The following ZC3H12B variants were observed in gnomAD, a reference collection of about 807,000 sequenced individuals.
ZC3H12B encodes the protein zinc finger CCCH-type containing 12B, also known as probable ribonuclease ZC3H12B.
Under a neutral mutation model 43.9 loss-of-function variants are expected in ZC3H12B, and 7 were observed. The observed-to-expected ratio is 0.16, with a 90% CI of 0.09 to 0.30. The LOEUF is 0.30. ZC3H12B is among the 10% of genes least tolerant of loss of function. The pLI, the probability that ZC3H12B is intolerant of heterozygous loss-of-function variation, is 1.00. For missense variants in ZC3H12B, 475 were observed against 670.2 expected (o/e 0.71, Z 3.22); for synonymous variants, 222 against 241.7 (o/e 0.92, Z 0.76).
chrX:65,279,079 A>G, the ZC3H12B span, among the ~76,000 whole-genome samples: 264 of 110,190 alleles, frequency 2.4e-3, 1 homozygote, highest in African/African-American at 8.3e-3. Flanking sequence ...TTCCTTTGGT[A>G]TTGTGATTAA....
the ZC3H12B span, among the ~76,000 whole-genome samples, chrX:65,274,762 G>A: frequency 9.0e-6 from 1 of 110,812 alleles, no homozygotes; most frequent in South Asian, 3.9e-4. Context: ...CTGTCCAATG[G>A]CCATGTGCCC....
At chrX:65,102,321 G>A in the ZC3H12B span, among the ~76,000 whole-genome samples, 3 of 111,627 alleles carry the variant, frequency 2.7e-5, no homozygotes, top group East Asian at 2.8e-4. Flanking sequence ...TTGAAAACCG[G>A]CACAAGACAA....
At chrX:65,251,370 G>A in the ZC3H12B span, among the ~76,000 whole-genome samples, 315 of 111,486 alleles carry the variant, frequency 2.8e-3, 3 homozygotes, top group African/African-American at 9.8e-3. Context: ...ATCAGGTAGC[G>A]TGATGCCTCC....
chrX:65,454,944 A>G (rs2067585099), intron 3 of ZC3H12B, among the ~76,000 whole-genome samples: 1 of 112,193 alleles, frequency 8.9e-6, no homozygotes, highest in African/African-American at 3.2e-5. Context: ...AAACTAAAAA[A>G]CAGAAAGGAC....
the ZC3H12B span, among the ~76,000 whole-genome samples, chrX:65,196,529 C>T: frequency 9.0e-6 from 1 of 111,325 alleles, no homozygotes; most frequent in Admixed American, 9.6e-5. Context: ...TTCACAGGCT[C>T]AATTATAATG....
chrX:65,224,499 C>T, the ZC3H12B span, among the ~76,000 whole-genome samples: 4 of 112,609 alleles, frequency 3.6e-5, no homozygotes, highest in African/African-American at 1.3e-4. Flanking sequence ...GTTCATCTCA[C>T]TAGGGAGTGC....
chrX:65,250,326 C>T, the ZC3H12B span, among the ~76,000 whole-genome samples: 2 of 111,957 alleles, frequency 1.8e-5, no homozygotes, highest in Non-Finnish European at 3.8e-5. Flanking sequence ...TTGCTTAATC[C>T]AGTCAATCAT....
chrX:65,111,960 T>C, the ZC3H12B span, among the ~76,000 whole-genome samples: 24 of 111,930 alleles, frequency 2.1e-4, no homozygotes, highest in African/African-American at 7.8e-4. Context: ...AGGCCAGAAA[T>C]GATTACACTT....
the ZC3H12B span, among the ~76,000 whole-genome samples, chrX:65,051,188 G>A: frequency 9.0e-6 from 1 of 111,427 alleles, no homozygotes; most frequent in Non-Finnish European, 1.9e-5. Context: ...AATTTCTGTG[G>A]CATCAGTTTT....
At chrX:65,131,693 G>T in the ZC3H12B span, among the ~76,000 whole-genome samples, 1 of 111,706 alleles carries the variant, frequency 9.0e-6, no homozygotes, top group Non-Finnish European at 1.9e-5. Context: ...GGAAGGAAAG[G>T]AATTGTTGTT....
At chrX:65,251,722 A>T in the ZC3H12B span, among the ~76,000 whole-genome samples, 2 of 111,032 alleles carry the variant, frequency 1.8e-5, no homozygotes, top group African/African-American at 3.3e-5. Flanking sequence ...GAGTTCACTC[A>T]TGATTTGGCT....
chrX:65,211,683 A>G, the ZC3H12B span, among the ~76,000 whole-genome samples: 22 of 90,548 alleles, frequency 2.4e-4, no homozygotes, highest in Non-Finnish European at 4.0e-4. Flanking sequence ...ATATAATTAT[A>G]TATATAATAT....
the ZC3H12B span, among the ~76,000 whole-genome samples, chrX:65,145,315 G>T: frequency 2.8e-5 from 3 of 107,364 alleles, 1 homozygote; most frequent in Middle Eastern, 8.8e-3. Context: ...ATGTCCTCTT[G>T]CATGATGTCT....
chrX:65,216,575 G>A, the ZC3H12B span, among the ~76,000 whole-genome samples: 1 of 111,409 alleles, frequency 9.0e-6, no homozygotes, highest in Non-Finnish European at 1.9e-5. Flanking sequence ...GCCCTGGTAC[G>A]GCATTGGTCT....
chrX:65,134,822 G>A, the ZC3H12B span, among the ~76,000 whole-genome samples: 2 of 111,499 alleles, frequency 1.8e-5, no homozygotes, highest in African/African-American at 3.3e-5. Context: ...GTCAGCAAAG[G>A]GAGTTAGGGG....
chrX:65,229,278 T>A, the ZC3H12B span, among the ~76,000 whole-genome samples: 5 of 111,862 alleles, frequency 4.5e-5, no homozygotes, highest in Admixed American at 9.5e-5. Flanking sequence ...AAACAAGCAA[T>A]GGGGAAAGGA....
At chrX:65,449,705 T>C (rs1339410288) in intron 3 of ZC3H12B, among the ~76,000 whole-genome samples, 2 of 111,561 alleles carry the variant, frequency 1.8e-5, no homozygotes, top group Non-Finnish European at 3.8e-5. Context: ...TTTTGCAGCA[T>C]CTTGGATGCA....
chrX:65,426,375 A>G (rs1602419494), intron 3 of ZC3H12B, among the ~76,000 whole-genome samples: 1 of 82,926 alleles, frequency 1.2e-5, no homozygotes, highest in African/African-American at 5.1e-5. Context: ...CAGTCTATCT[A>G]TATTGTTAAT....
chrX:65,228,737 T>C, the ZC3H12B span, among the ~76,000 whole-genome samples: 4 of 111,467 alleles, frequency 3.6e-5, no homozygotes, highest in Non-Finnish European at 7.5e-5. Flanking sequence ...TATACACCAA[T>C]AACAGACAAA....
Sources: allele counts gnomAD v4.1 joint callset (sites outside exome capture counted in the v4.1 genomes callset), GRCh38; gene constraint gnomAD v4.1.1; transcripts MANE v1.5; gene names NCBI Gene and HGNC (gene_info 2026-07-23, HGNC 2026-07-21).